Variants in EDA observed in about 807,000 individuals in gnomAD.
The protein encoded by EDA is ectodysplasin-A.
In EDA, 2 loss-of-function variants were observed where a neutral mutation model predicts 23.6. That is an observed-to-expected ratio of 0.08 (90% confidence interval 0.03 to 0.27). The LOEUF is 0.27. Among genes scored for constraint, EDA ranks in the 10% least tolerant of loss-of-function variants. The pLI, the probability that EDA is intolerant of heterozygous loss-of-function variation, is 1.00. For synonymous variants in EDA, 131 were observed against 132.0 expected (o/e 0.99, Z 0.05); for missense variants, 229 against 324.2 (o/e 0.71, Z 2.26).
chrX:69,870,623 G>C (rs991987621), intron 1 of EDA, among the ~76,000 whole-genome samples: 5 of 111,322 alleles, frequency 4.5e-5, no homozygotes, highest in Middle Eastern at 4.6e-3. Context: ...TGGGGAAACT[G>C]TTCCTTCTTG....
intron 1 of EDA, among the ~76,000 whole-genome samples, chrX:69,826,342 T>C (rs374685336): frequency 9.1e-6 from 1 of 109,718 alleles, no homozygotes; most frequent in African/African-American, 3.3e-5. Flanking sequence ...CTAAGTCTCT[T>C]TGTAGGTCAC....
intron 1 of EDA, among the ~76,000 whole-genome samples, chrX:69,921,051 T>C (rs1271572031): frequency 9.0e-6 from 1 of 111,518 alleles, no homozygotes; most frequent in African/African-American, 3.3e-5. Flanking sequence ...TATTCTGTTG[T>C]TCAAATCATT....
At chrX:70,020,546 G>A (rs1178824556) in intron 2 of EDA, among the ~76,000 whole-genome samples, 1 of 96,349 alleles carries the variant, frequency 1.0e-5, no homozygotes, top group Non-Finnish European at 2.2e-5. Context: ...GCGACAGAGC[G>A]AGACTCCGTC....
chrX:69,824,357 A>G (rs1158454985), intron 1 of EDA, among the ~76,000 whole-genome samples: 10 of 108,654 alleles, frequency 9.2e-5, no homozygotes, highest in Non-Finnish European at 1.5e-4. Context: ...ATTTGTTTGT[A>G]TCCTCTTTTA....
intron 1 of EDA, among the ~76,000 whole-genome samples, chrX:69,785,811 A>G (rs913367383): frequency 9.4e-6 from 1 of 106,892 alleles, no homozygotes; most frequent in Non-Finnish European, 2.0e-5. Context: ...GCCTCATAAA[A>G]TGAGTTAGGG....
intron 2 of EDA, among the ~76,000 whole-genome samples, chrX:70,022,537 T>C (rs1285494216): frequency 1.8e-5 from 2 of 109,039 alleles, no homozygotes; most frequent in Admixed American, 2.0e-4. Context: ...GAGGTTTCAC[T>C]GTGTTAGCCA....
intron 1 of EDA, among the ~76,000 whole-genome samples, chrX:69,750,658 A>G (rs1051531727): frequency 1.8e-4 from 20 of 110,902 alleles, no homozygotes; most frequent in East Asian, 2.9e-4. Context: ...GAGTGTTCCT[A>G]TTTCTCCACA....
At chrX:69,711,332 A>C (rs2012020029) in intron 1 of EDA, among the ~76,000 whole-genome samples, 1 of 111,552 alleles carries the variant, frequency 9.0e-6, no homozygotes, top group Non-Finnish European at 1.9e-5. Context: ...CTTGCATCCC[A>C]GGGATGAAGC....
At chrX:69,670,186 T>TTTTTTG in intron 1 of EDA, 1 of 301,852 alleles carries the variant, frequency 3.3e-6, no homozygotes, top group Non-Finnish European at 5.7e-6. Context: ...GCTGACTGTT[T>TTTTTTG]TTTTTTTTTT....
chrX:69,942,293 T>C (rs766607476), intron 1 of EDA, among the ~76,000 whole-genome samples: 2 of 111,026 alleles, frequency 1.8e-5, no homozygotes, highest in South Asian at 7.6e-4. Context: ...GAGTTTCGTA[T>C]GTGCAGGTGA....
chrX:69,811,451 G>A (rs1185060369), intron 1 of EDA, among the ~76,000 whole-genome samples: 2 of 112,083 alleles, frequency 1.8e-5, no homozygotes, highest in Non-Finnish European at 3.8e-5. Flanking sequence ...GTAGGAGTTG[G>A]CATATGCAGT....
At chrX:69,998,507 A>C (rs1475252572) in intron 2 of EDA, among the ~76,000 whole-genome samples, 1 of 112,058 alleles carries the variant, frequency 8.9e-6, no homozygotes, top group Non-Finnish European at 1.9e-5. Flanking sequence ...TGGACTGTTG[A>C]CTTTTGAGTT....
intron 1 of EDA, among the ~76,000 whole-genome samples, chrX:69,819,867 AG>A (rs201173540): frequency 0.17 from 17,737 of 104,957 alleles, 2,430 homozygotes; most frequent in East Asian, 0.72. Flanking sequence ...TAACAGAATT[AG>A]AAAAAACTTT....
chrX:69,911,097 T>G (rs1311619813), intron 1 of EDA, among the ~76,000 whole-genome samples: 2 of 111,778 alleles, frequency 1.8e-5, no homozygotes, highest in Non-Finnish European at 3.8e-5. Context: ...CTCAAAAGAG[T>G]ATTTTTTTAA....
At chrX:69,960,031 G>T (rs1412557033) in intron 2 of EDA, among the ~76,000 whole-genome samples, 1 of 111,697 alleles carries the variant, frequency 9.0e-6, no homozygotes, top group Non-Finnish European at 1.9e-5. Context: ...AAGGACTCTG[G>T]CTTTTATTCT....
At chrX:69,733,389 T>C (rs924774079) in intron 1 of EDA, among the ~76,000 whole-genome samples, 5 of 111,962 alleles carry the variant, frequency 4.5e-5, no homozygotes. Flanking sequence ...TTTTGTCAGG[T>C]TTGTCAAAGA....
chrX:69,839,936 A>G (rs1208584735), intron 1 of EDA, among the ~76,000 whole-genome samples: 2 of 112,127 alleles, frequency 1.8e-5, no homozygotes, highest in Non-Finnish European at 1.9e-5. Context: ...AAGAAGGGGG[A>G]TGTGATTACA....
At chrX:69,907,045 C>T (rs937996464) in intron 1 of EDA, among the ~76,000 whole-genome samples, 1 of 111,398 alleles carries the variant, frequency 9.0e-6, no homozygotes, top group African/African-American at 3.3e-5. Flanking sequence ...TGATGATAGG[C>T]ACCTTGGGAG....
chrX:69,849,100 CACACACACACACACACACACACACA>C (rs2017069923), intron 1 of EDA, among the ~76,000 whole-genome samples: 1 of 50,782 alleles, frequency 2.0e-5, no homozygotes, highest in African/African-American at 4.5e-5. Context: ...CACACACACA[CACACACACACACACACACACACACA>C]CACACACATA....
Sources: gnomAD v4.1 joint callset for allele counts (sites outside exome capture counted in the v4.1 genomes callset) on GRCh38, gnomAD v4.1.1 for gene constraint, MANE v1.5 for transcripts, NCBI Gene and HGNC (gene_info 2026-07-23, HGNC 2026-07-21) for gene names.